SDK1: variants seen among roughly 807,000 people sequenced by gnomAD.
SDK1 encodes sidekick cell adhesion molecule 1.
Under a neutral mutation model 245.5 loss-of-function variants are expected in SDK1, and 157 were observed. That is an observed-to-expected ratio of 0.64 (90% CI 0.56 to 0.73). The LOEUF is 0.73. SDK1 is among the 30% of genes least tolerant of loss of function. SDK1 has a pLI of 0.00. For missense variants in SDK1, 3,583 were observed against 3,002.3 expected, an observed-to-expected ratio of 1.19 and a Z score of -4.52; for synonymous variants, 1,647 against 1,278.5, an observed-to-expected ratio of 1.29 and a Z score of -6.15.
intron 35 of SDK1, among the ~76,000 whole-genome samples, chr7:4,189,163 C>A (rs747483379): frequency 6.6e-6 from 1 of 152,140 alleles, no homozygotes; most frequent in Non-Finnish European, 1.5e-5. Context: ...TGCTTGCTCC[C>A]GGGAGCTGGC....
intron 19 of SDK1, among the ~76,000 whole-genome samples, chr7:4,064,807 C>T (rs1202071905): frequency 6.6e-6 from 1 of 152,034 alleles, no homozygotes; most frequent in African/African-American, 2.4e-5. Flanking sequence ...CTCAGGAAAA[C>T]AAATATCACA....
At chr7:3,882,182 T>C (rs888060490) in intron 5 of SDK1, among the ~76,000 whole-genome samples, 4 of 152,142 alleles carry the variant, frequency 2.6e-5, no homozygotes, top group East Asian at 3.9e-4. Context: ...AACTGCTCCA[T>C]GATTCAGTTA....
chr7:4,204,060 G>A (rs1340425863), intron 35 of SDK1, among the ~76,000 whole-genome samples: 6 of 152,338 alleles, frequency 3.9e-5, no homozygotes, highest in Admixed American at 2.0e-4. Flanking sequence ...TGTCGTGGGC[G>A]CGCTGAGTTG....
chr7:3,464,238 A>G (rs371140271), intron 1 of SDK1, among the ~76,000 whole-genome samples: 1 of 152,162 alleles, frequency 6.6e-6, no homozygotes, highest in Non-Finnish European at 1.5e-5. Flanking sequence ...GAAATAAGGT[A>G]TTGGGCCAGG....
At chr7:4,216,922 G>A (rs1362334077) in intron 38 of SDK1, among the ~76,000 whole-genome samples, 1 of 152,126 alleles carries the variant, frequency 6.6e-6, no homozygotes, top group East Asian at 1.9e-4. Flanking sequence ...CGTCACTCTA[G>A]GGAACACTCC....
At chr7:3,634,668 A>T (rs1020849224) in intron 2 of SDK1, among the ~76,000 whole-genome samples, 1 of 152,256 alleles carries the variant, frequency 6.6e-6, no homozygotes, top group South Asian at 2.1e-4. Context: ...TAGACTTACA[A>T]TGAATATTCC....
At chr7:3,756,501 G>A (rs763430903) in intron 4 of SDK1, among the ~76,000 whole-genome samples, 20 of 151,004 alleles carry the variant, frequency 1.3e-4, no homozygotes, top group Non-Finnish European at 2.4e-4. Flanking sequence ...GGCATTGTGC[G>A]TGTGAGACAT....
At chr7:3,881,240 G>T (rs914153803) in intron 5 of SDK1, among the ~76,000 whole-genome samples, 1 of 152,072 alleles carries the variant, frequency 6.6e-6, no homozygotes, top group African/African-American at 2.4e-5. Context: ...TATTCTTCCT[G>T]ATGCTCTCCC....
intron 4 of SDK1, among the ~76,000 whole-genome samples, chr7:3,671,628 T>C (rs893489361): frequency 7.2e-5 from 11 of 152,220 alleles, no homozygotes; most frequent in African/African-American, 2.4e-4. Context: ...AAGTGAAGAG[T>C]GTTTAAAATA....
At chr7:3,860,416 G>T (rs1043595046) in intron 5 of SDK1, among the ~76,000 whole-genome samples, 3 of 152,050 alleles carry the variant, frequency 2.0e-5, no homozygotes, top group Non-Finnish European at 4.4e-5. Context: ...ATGAAAAGAT[G>T]GTCAAGTTGA....
Position 4,070,090 on chromosome 7 carries a change from G to T in SDK1, c.3010+2154G>T, listed in dbSNP as rs767296217. ...ACGGTTCTGTTTATTAAGTAGTTAG[G>T]TCCAAACAACGGAAGTGTTAATATG... On this transcript the variant is annotated intron_variant, in intron 20 of 44. Transcript: ENST00000404826. 2.6e-5 allele frequency among the ~76,000 whole-genome samples: 4 copies of T among 152,192 alleles called. No individual in the cohort carries two copies. The East Asian group carries it at 7.7e-4, about 29-fold the overall frequency.
At chr7:4,195,239 T>C (rs1783507851) in intron 35 of SDK1, among the ~76,000 whole-genome samples, 1 of 152,226 alleles carries the variant, frequency 6.6e-6, no homozygotes, top group African/African-American at 2.4e-5. Context: ...TTCTAGCAAC[T>C]CTGAAATGGT....
intron 36 of SDK1, among the ~76,000 whole-genome samples, chr7:4,206,759 C>T (rs939254821): frequency 2.0e-5 from 3 of 152,280 alleles, no homozygotes; most frequent in South Asian, 4.1e-4. Flanking sequence ...CCATCCTTCT[C>T]CTAAATAAAT....
At chr7:3,921,473 A>T (rs1039885016) in intron 5 of SDK1, among the ~76,000 whole-genome samples, 4 of 152,258 alleles carry the variant, frequency 2.6e-5, no homozygotes, top group Non-Finnish European at 1.5e-5. Flanking sequence ...TTTACAATAA[A>T]TTCCCAGAAG....
At chr7:3,703,739 G>A (rs186535784) in intron 4 of SDK1, among the ~76,000 whole-genome samples, 19 of 152,164 alleles carry the variant, frequency 1.2e-4, no homozygotes, top group African/African-American at 4.3e-4. Context: ...GTAAAATACT[G>A]TTTTTTTCCT....
intron 14 of SDK1, among the ~76,000 whole-genome samples, chr7:3,994,221 A>C (rs1242773402): frequency 6.6e-6 from 1 of 152,162 alleles, no homozygotes; most frequent in African/African-American, 2.4e-5. Flanking sequence ...CCTCTCTGCT[A>C]AGCCTCAGAT....
At chr7:4,057,042 A>G (rs534227128) in intron 19 of SDK1, among the ~76,000 whole-genome samples, 4 of 152,272 alleles carry the variant, frequency 2.6e-5, no homozygotes, top group African/African-American at 9.6e-5. Flanking sequence ...CATCTTGAGG[A>G]CAGACTTCGC....
In SDK1 at chr7:3,967,450, T is replaced by G; in HGVS notation, c.1546+16T>G. 6.8e-7 allele frequency: 1 copy of G among 1,476,596 alleles called. No individual in the cohort carries two copies. Among genetic ancestry groups the G allele is most frequent in the Non-Finnish European group, 9.5e-7 (1 of 1,054,392 alleles). The allele number at this position is 1,476,596 out of a possible 1,614,324, so 91.5% of individuals were successfully genotyped here. Reference sequence around the variant, plus strand: ...TGGAAAAGAGGTGGGTAGCATCCACTGCCCACAACAGCATGGCCCATGTAG... The same window carrying G: ...TGGAAAAGAGGTGGGTAGCATCCACGGCCCACAACAGCATGGCCCATGTAG... On this transcript the variant is annotated intron_variant, in intron 10 of 44. Transcript: ENST00000404826.
intron 4 of SDK1, among the ~76,000 whole-genome samples, chr7:3,791,223 G>A (rs367888512): frequency 6.6e-6 from 1 of 152,054 alleles, no homozygotes; most frequent in Non-Finnish European, 1.5e-5. Flanking sequence ...CCTGAGCTTA[G>A]GTGAAGAGGA....
Sources: gnomAD v4.1 joint callset for allele counts (sites outside exome capture counted in the v4.1 genomes callset) on GRCh38, gnomAD v4.1.1 for gene constraint, MANE v1.5 for transcripts, NCBI Gene and HGNC (gene_info 2026-07-23, HGNC 2026-07-21) for gene names.